The following NRG3 variants were observed in gnomAD, a reference collection of about 807,000 sequenced individuals.
NRG3 encodes pro-neuregulin-3, membrane-bound isoform.
A neutral mutation model predicts 66.9 loss-of-function variants in NRG3; 31 were observed. That is an observed-to-expected ratio of 0.46 (90% CI 0.35 to 0.63). The LOEUF is 0.63. Ranked by LOEUF, NRG3 falls within the 20% of genes least tolerant of loss-of-function variation. NRG3 has a pLI of 0.00. For missense variants in NRG3, 910 were observed against 878.9 expected, an observed-to-expected ratio of 1.04 and a Z score of -0.45; for synonymous variants, 393 against 359.4, an observed-to-expected ratio of 1.09 and a Z score of -1.06.
intron 4 of NRG3, among the ~76,000 whole-genome samples, chr10:82,929,890 A>T (rs1190150902): frequency 6.6e-6 from 1 of 150,800 alleles, no homozygotes; most frequent in Non-Finnish European, 1.5e-5. Flanking sequence ...AAAAAAAAAA[A>T]GGAAAAAGAA....
At chr10:82,467,550 C>T (rs1021793759) in intron 2 of NRG3, among the ~76,000 whole-genome samples, 3 of 152,148 alleles carry the variant, frequency 2.0e-5, no homozygotes, top group African/African-American at 7.2e-5. Context: ...TGGTAGCAGA[C>T]CAGGAAGGTG....
chr10:82,838,983 C>G (rs768543871), intron 3 of NRG3, among the ~76,000 whole-genome samples: 6 of 152,102 alleles, frequency 3.9e-5, no homozygotes, highest in African/African-American at 9.7e-5. Flanking sequence ...ATAAAACCAT[C>G]AGATCAGATC....
intron 8 of NRG3, among the ~76,000 whole-genome samples, chr10:82,983,239 C>G (rs1245045916): frequency 6.6e-6 from 1 of 152,172 alleles, no homozygotes; most frequent in Non-Finnish European, 1.5e-5. Context: ...TTCATACATA[C>G]AAATCATGCT....
At position 82,034,651 on chromosome 10, in the gene NRG3, C is replaced by T. The variant is rs186439548; in HGVS notation, c.823+158488C>T. 2.5e-3 allele frequency among the ~76,000 whole-genome samples: 382 copies of T among 152,118 alleles called. 3 individuals are homozygous for T. Among genetic ancestry groups the T allele is most frequent in the Non-Finnish European group, 4.0e-3 (269 of 67,980 alleles). ...GAATGCATTCATTCCCCAGCCATTC[C>T]CTGGAGTACACCTTGTTTTATCTGC... On this transcript the variant is annotated intron_variant, in intron 1 of 8. Coordinates refer to ENST00000372141, the MANE Select transcript of NRG3 (RefSeq NM_001010848.4).
At chr10:82,443,772 G>A (rs2090565180) in intron 2 of NRG3, among the ~76,000 whole-genome samples, 1 of 152,136 alleles carries the variant, frequency 6.6e-6, no homozygotes, top group South Asian at 2.1e-4. Context: ...TAAAGAAGAG[G>A]CAATATCTGT....
chr10:82,400,415 T>C (rs1394749441), intron 2 of NRG3, among the ~76,000 whole-genome samples: 2 of 152,150 alleles, frequency 1.3e-5, no homozygotes, highest in African/African-American at 4.8e-5. Flanking sequence ...CTGATCTTGT[T>C]AAAATGCAGC....
At chr10:82,469,169 C>CA (rs1840986422) in intron 2 of NRG3, among the ~76,000 whole-genome samples, 1 of 152,150 alleles carries the variant, frequency 6.6e-6, no homozygotes, top group Admixed American at 6.5e-5. Flanking sequence ...AGTGAAAAGA[C>CA]ACATGTTTAT....
intron 1 of NRG3, among the ~76,000 whole-genome samples, chr10:81,989,064 G>A (rs1043236413): frequency 6.6e-6 from 1 of 152,146 alleles, no homozygotes; most frequent in African/African-American, 2.4e-5. Context: ...TGCAGAGGTA[G>A]AATTAATCAA....
chr10:82,331,825 C>A (rs1386738147), intron 1 of NRG3, among the ~76,000 whole-genome samples: 4 of 152,166 alleles, frequency 2.6e-5, no homozygotes. Context: ...ACTGTGCACA[C>A]ATTTCTGTTC....
intron 1 of NRG3, among the ~76,000 whole-genome samples, chr10:82,262,308 C>T (rs2078073003): frequency 6.6e-6 from 1 of 152,056 alleles, no homozygotes; most frequent in Admixed American, 6.6e-5. Flanking sequence ...CCTGACATGC[C>T]CATGTTTTAT....
At chr10:82,153,221 A>G (rs1315057338) in intron 1 of NRG3, among the ~76,000 whole-genome samples, 1 of 151,842 alleles carries the variant, frequency 6.6e-6, no homozygotes, top group African/African-American at 2.4e-5. Context: ...CTCCCTATCA[A>G]CCTCTGATAA....
At chr10:82,747,301 T>A (rs1291396486) in intron 3 of NRG3, among the ~76,000 whole-genome samples, 1 of 152,038 alleles carries the variant, frequency 6.6e-6, no homozygotes, top group African/African-American at 2.4e-5. Context: ...TGAAGGGCTG[T>A]TTAGTGGGTT....
intron 1 of NRG3, among the ~76,000 whole-genome samples, chr10:82,212,946 A>C (rs903815875): frequency 4.6e-5 from 7 of 152,194 alleles, no homozygotes; most frequent in Non-Finnish European, 8.8e-5. Flanking sequence ...GCAGCTTTTT[A>C]AATTGAGATG....
chr10:82,174,670 A>G (rs2133146975), intron 1 of NRG3, among the ~76,000 whole-genome samples: 1 of 152,046 alleles, frequency 6.6e-6, no homozygotes, highest in Admixed American at 6.6e-5. Flanking sequence ...TTCTCCCCAA[A>G]TGAAATACAG....
intron 3 of NRG3, among the ~76,000 whole-genome samples, chr10:82,862,474 T>C (rs2135929184): frequency 6.6e-6 from 1 of 152,318 alleles, no homozygotes; most frequent in East Asian, 1.9e-4. Flanking sequence ...TGATATGTGT[T>C]AGAGCATGTA....
chr10:82,006,532 C>G lies in NRG3; in HGVS notation c.823+130369C>G, dbSNP rs1589757563. Among the ~76,000 whole-genome samples the G allele has an allele frequency of 2.6e-5, 4 of 151,940 alleles. No homozygotes were observed. The East Asian group carries it at 7.7e-4, about 29-fold the overall frequency. On this transcript the variant is annotated intron_variant, in intron 1 of 8. Transcript: ENST00000372141. The stretch of plus-strand genomic sequence containing the variant: ...TCTATCTTTATATCATCAATATAGT[C>G]TCTACGTAATAATTTGAAAGTTAAA...
intron 2 of NRG3, among the ~76,000 whole-genome samples, chr10:82,658,180 TA>T (rs2052026338): frequency 6.6e-6 from 1 of 152,186 alleles, no homozygotes; most frequent in Non-Finnish European, 1.5e-5. Context: ...AGCCACACTT[TA>T]TATAGAAAAG....
chr10:82,908,513 G>T (rs1331109630), intron 4 of NRG3, among the ~76,000 whole-genome samples: 1 of 152,118 alleles, frequency 6.6e-6, no homozygotes, highest in Non-Finnish European at 1.5e-5. Context: ...ATTTATGGCT[G>T]CAAATTATCA....
At position 82,592,891 on chromosome 10, in the gene NRG3, C is replaced by A. The variant is rs892629824; in HGVS notation, c.954-145686C>A. On this transcript the variant is annotated intron_variant, in intron 2 of 8. Coordinates refer to ENST00000372141, the MANE Select transcript of NRG3 (RefSeq NM_001010848.4). ...CTGTGTTGTCCTCCAAATCATGCTT[C>A]CTTTCTAATGCTTGGGTGAAGCAGC... 1.2e-4 allele frequency among the ~76,000 whole-genome samples: 18 copies of A among 152,298 alleles called. No homozygotes were observed. The East Asian group carries it at 3.5e-3, about 29-fold the overall frequency.
Sources: allele counts gnomAD v4.1 joint callset (sites outside exome capture counted in the v4.1 genomes callset), GRCh38; gene constraint gnomAD v4.1.1; transcripts MANE v1.5; gene names NCBI Gene and HGNC (gene_info 2026-07-23, HGNC 2026-07-21).